The following DYNC1H1 variants were observed in gnomAD, a reference collection of about 807,000 sequenced individuals.
The protein encoded by DYNC1H1 is dynein cytoplasmic 1 heavy chain 1.
Under a neutral mutation model 527.1 loss-of-function variants are expected in DYNC1H1, and 51 were observed. The ratio of observed to expected loss-of-function variants is 0.10; its 90% CI spans 0.08 to 0.12. DYNC1H1 has a LOEUF of 0.12. DYNC1H1 is among the 10% of genes least tolerant of loss of function. The pLI is 1.00. For synonymous variants in DYNC1H1, 2,189 were observed against 2,278.8 expected (o/e 0.96, Z 1.12); for missense variants, 2,771 against 5,971.8 (o/e 0.46, Z 17.66).
At chr14:101,990,335 C>T (rs2047982351) in intron 10 of DYNC1H1, among the ~76,000 whole-genome samples, 1 of 152,088 alleles carries the variant, frequency 6.6e-6, no homozygotes, top group African/African-American at 2.4e-5. Flanking sequence ...ATTGAGACAT[C>T]GTCATATACT....
intron 48 of DYNC1H1, 87 bp downstream of exon 48, chr14:102,028,228 A>G: frequency 1.3e-6 from 2 of 1,489,096 alleles, no homozygotes; most frequent in Non-Finnish European, 1.9e-6. Context: ...AATAGACCTT[A>G]AGGCCAGGTG....
Position 102,042,144 on chromosome 14 carries a change from T to C in DYNC1H1, c.12214+20T>C, listed in dbSNP as rs200763934. ...CAATCGGTAAGGATGCTTGAGGGGC[T>C]TCATGGGCTGGAGCCCTGCAGGATT... On this transcript the variant is annotated intron_variant, in intron 66 of 77. Transcript: ENST00000360184. The surrounding 1 kb of genome is among the most constrained non-coding windows in gnomAD (Gnocchi z 5.7). 2.9e-5 allele frequency: 46 copies of C among 1,613,964 alleles called. No individual in the cohort carries two copies. In the Admixed American group the frequency reaches 5.5e-4, roughly 19 times the overall value.
Position 102,018,425 on chromosome 14 carries a change from C to T in DYNC1H1, c.8178-26C>T, listed in dbSNP as rs768106442. On this transcript the variant is annotated intron_variant, in intron 40 of 77. Transcript: ENST00000360184. The surrounding 1 kb of genome is among the most constrained non-coding windows in gnomAD (Gnocchi z 5.2). ...CCTGGGAGGCGCTGTCAGGGAGGGG[C>T]GCTGAGCGGGGCTATCTGTGCACAG... is the stretch of plus-strand genomic sequence containing the variant. 38 of 1,610,364 alleles carry T rather than the reference C, an allele frequency of 2.4e-5. No homozygotes were observed. Among genetic ancestry groups the T allele is most frequent in the Middle Eastern group, 1.6e-4 (1 of 6,080 alleles).
chr14:101,977,153 A>T (rs2047810353), intron 2 of DYNC1H1, among the ~76,000 whole-genome samples: 1 of 152,242 alleles, frequency 6.6e-6, no homozygotes, highest in African/African-American at 2.4e-5. Flanking sequence ...GATAAATTCT[A>T]AAGATAGCAT....
chr14:102,036,405 C>G lies in DYNC1H1; in HGVS notation c.10755-84C>G. On this transcript the variant is annotated intron_variant, in intron 56 of 77. Coordinates refer to ENST00000360184, the MANE Select transcript of DYNC1H1 (RefSeq NM_001376.5). This position sits in a 1 kb window ranked among gnomAD's most constrained non-coding sequence, Gnocchi z 5.6. ...GTGGTAACAGCCTATCAATCAGGGT[C>G]TCTCATCAGGGACTCGGCTAACCGT... 6.3e-7 allele frequency: 1 copy of G among 1,579,344 alleles called. No homozygotes were observed. Among genetic ancestry groups the G allele is most frequent in the Non-Finnish European group, 8.7e-7 (1 of 1,152,622 alleles).
At position 101,966,443 on chromosome 14, in the gene DYNC1H1, T is replaced by C. The variant is rs545819132; in HGVS notation, c.256+1496T>C. On this transcript the variant is annotated intron_variant, in intron 1 of 77. Transcript: ENST00000360184. The stretch of plus-strand genomic sequence containing the variant: ...AAAAATTTATCTACTCTTTTTTTTT[T>C]CCAAAAAACATATAGTCATTGTAGA... Among the ~76,000 whole-genome samples the C allele has an allele frequency of 5.9e-4, 89 of 152,110 alleles. 1 individual carries two copies. The highest frequency in any genetic ancestry group is 2.0e-3 in the African/African-American group (84 of 41,536).
chr14:102,009,605 C>T (rs1183451975), intron 29 of DYNC1H1: 1 of 546,116 alleles, frequency 1.8e-6, no homozygotes, highest in Non-Finnish European at 3.2e-6. Flanking sequence ...TGGTCTCTGC[C>T]TCTGGTGGCT....
At chr14:102,046,622 C>G (rs2048723096) in intron 72 of DYNC1H1, among the ~76,000 whole-genome samples, 1 of 152,162 alleles carries the variant, frequency 6.6e-6, no homozygotes, top group African/African-American at 2.4e-5. Flanking sequence ...ACTGTGGTGA[C>G]CAGTTTTCTG....
At chr14:101,996,115 T>TTTTTC (rs1168213603) in intron 15 of DYNC1H1, among the ~76,000 whole-genome samples, 5 of 151,162 alleles carry the variant, frequency 3.3e-5, no homozygotes, top group African/African-American at 9.7e-5. Flanking sequence ...GGCATCTAGG[T>TTTTTC]TTTTCTTTTC....
At chr14:102,037,907 C>T in intron 57 of DYNC1H1, 1 of 173,790 alleles carries the variant, frequency 5.8e-6, no homozygotes, top group Admixed American at 5.5e-5. Context: ...GAACTTTCTG[C>T]AGGGGCAGGA....
At position 102,055,079 on chromosome 14, in the gene DYNC1H1, C is replaced by A. The variant is rs560497772; in HGVS notation, c.*4516C>A. The A allele has an allele frequency of 3.9e-5, 6 of 152,318 alleles. No individual in the cohort carries two copies. Among genetic ancestry groups the A allele is most frequent in the African/African-American group, 1.4e-4 (6 of 41,540 alleles). The allele number at this position is 152,318 out of a possible 1,614,324, so 9.4% of individuals were successfully genotyped here. On this transcript the variant is annotated 3_prime_UTR_variant, in exon 78 of 78. Coordinates refer to ENST00000360184, the MANE Select transcript of DYNC1H1 (RefSeq NM_001376.5). ...GCCACTCCTTCTGGACTTTTCTTTC[C>A]TAGCCCAGGTCAAAGTGGGCCTTCG...
At chr14:101,989,237 C>T (rs1235115071) in intron 10 of DYNC1H1, among the ~76,000 whole-genome samples, 3 of 152,214 alleles carry the variant, frequency 2.0e-5, no homozygotes, top group Non-Finnish European at 2.9e-5. Flanking sequence ...TGGAAAAAAA[C>T]TTCTTACCAT....
intron 74 of DYNC1H1, chr14:102,048,935 C>T (rs960679377): frequency 2.0e-5 from 10 of 507,296 alleles, no homozygotes; most frequent in African/African-American, 1.2e-4. Context: ...TCTTCCAAGA[C>T]GACAGTGAAT....
chr14:102,000,838 G>A lies in DYNC1H1; in HGVS notation c.4075-116G>A, dbSNP rs1427550008. 24 of 919,672 alleles carry A rather than the reference G, an allele frequency of 2.6e-5. No individual in the cohort carries two copies. In the East Asian group the frequency reaches 5.6e-4, roughly 22 times the overall value. The allele number at this position is 919,672 out of a possible 1,614,324, so 57.0% of individuals were successfully genotyped here. The stretch of plus-strand genomic sequence containing the variant: ...ATCTGCTCGCCCGGCCTCCCAAAGT[G>A]CTGGGATTACAGGCATGAGCCACCG... On this transcript the variant is annotated intron_variant, in intron 18 of 77. Coordinates refer to ENST00000360184, the MANE Select transcript of DYNC1H1 (RefSeq NM_001376.5).
chr14:101,980,075 T>A, intron 4 of DYNC1H1, 101 bp downstream of exon 4: 3 of 1,555,482 alleles, frequency 1.9e-6, no homozygotes, highest in Non-Finnish European at 2.6e-6. Context: ...ATGTGATAAC[T>A]TGTTAGTGGT....
At chr14:101,982,604 TA>T (rs1334855196) in intron 5 of DYNC1H1, among the ~76,000 whole-genome samples, 2 of 151,702 alleles carry the variant, frequency 1.3e-5, no homozygotes, top group Admixed American at 1.3e-4. Flanking sequence ...AAAAATAAAA[TA>T]ATAGAAATAA....
chr14:101,981,670 G>A (rs2047865875), intron 5 of DYNC1H1, among the ~76,000 whole-genome samples: 2 of 152,076 alleles, frequency 1.3e-5, no homozygotes, highest in Admixed American at 6.6e-5. Flanking sequence ...GAAACCTTCC[G>A]GTTACTTAGA....
At chr14:101,982,718 C>T (rs964580014) in intron 5 of DYNC1H1, among the ~76,000 whole-genome samples, 6 of 148,730 alleles carry the variant, frequency 4.0e-5, no homozygotes, top group African/African-American at 1.5e-4. Context: ...AAACTGGTCC[C>T]TGTTGCCAAA....
In DYNC1H1 at chr14:102,039,849, A is replaced by AT. The variant is rs1744223245; in HGVS notation, c.11690+123dup. ...TTTTCTCTTTTATTTTCTTTATTTTATTTTTTGAGACGGAGTCTCCCTTTG... is the reference window on the plus strand; with the variant it reads ...TTTTCTCTTTTATTTTCTTTATTTTATTTTTTTGAGACGGAGTCTCCCTTTG... On this transcript the variant is annotated intron_variant, in intron 62 of 77. Coordinates refer to ENST00000360184, the MANE Select transcript of DYNC1H1 (RefSeq NM_001376.5). The surrounding 1 kb of genome is among the most constrained non-coding windows in gnomAD (Gnocchi z 7.0). 1 of 1,311,568 alleles carries AT rather than the reference A, an allele frequency of 7.6e-7. No homozygotes were observed. The highest frequency in any genetic ancestry group is 1.5e-5 in the African/African-American group (1 of 67,338). The allele number at this position is 1,311,568 out of a possible 1,614,324, so 81.2% of individuals were successfully genotyped here. A position where few individuals can be genotyped will look rare whatever the true frequency, so the allele number is the denominator to read the frequency against.
Sources: gnomAD v4.1 joint callset for allele counts (sites outside exome capture counted in the v4.1 genomes callset) on GRCh38, gnomAD v4.1.1 for gene constraint, Gnocchi (gnomAD v3.1) non-coding constraint, MANE v1.5 for transcripts, NCBI Gene and HGNC (gene_info 2026-07-23, HGNC 2026-07-21) for gene names.